The following NCALD variants were observed in gnomAD, a reference collection of about 807,000 sequenced individuals.
The protein encoded by NCALD is neurocalcin delta.
Under a neutral mutation model 18.6 loss-of-function variants are expected in NCALD, and 10 were observed. The observed-to-expected ratio is 0.54, with a 90% CI of 0.33 to 0.91. The LOEUF (loss-of-function observed/expected upper bound fraction) is 0.91, where lower values mean the gene tolerates loss of function less well. Among genes scored for constraint, NCALD ranks in the 40% least tolerant of loss-of-function variants. The pLI, the probability that NCALD is intolerant of heterozygous loss-of-function variation, is 0.03. For synonymous variants in NCALD, 88 were observed against 87.4 expected (o/e 1.01, Z -0.04); for missense variants, 184 against 247.6 (o/e 0.74, Z 1.72).
intron 4 of NCALD, among the ~76,000 whole-genome samples, chr8:101,835,655 T>C (rs2131266541): frequency 6.6e-6 from 1 of 152,318 alleles, no homozygotes; most frequent in East Asian, 1.9e-4. Context: ...ATCACTTCCA[T>C]TCACATTTCA....
intron 3 of NCALD, among the ~76,000 whole-genome samples, chr8:101,892,091 C>A (rs1816922917): frequency 6.6e-6 from 1 of 151,796 alleles, no homozygotes; most frequent in Non-Finnish European, 1.5e-5. Flanking sequence ...CAGCAGTAAC[C>A]TCTGCAGACT....
upstream of NCALD, among the ~76,000 whole-genome samples, chr8:101,795,473 C>T (rs535261780): frequency 6.6e-6 from 1 of 152,214 alleles, no homozygotes; most frequent in Admixed American, 6.5e-5. Flanking sequence ...CTAGATGGCG[C>T]CTTCAAGCTG....
At chr8:101,755,645 CAGGGAAT>C in intron 1 of NCALD, among the ~76,000 whole-genome samples, 1 of 152,292 alleles carries the variant, frequency 6.6e-6, no homozygotes, top group African/African-American at 2.4e-5. Context: ...AGGCAGAAAC[CAGGGAAT>C]AGGTTTTAAA....
intron 4 of NCALD, among the ~76,000 whole-genome samples, chr8:101,845,093 T>A (rs535270143): frequency 1.3e-5 from 2 of 152,316 alleles, no homozygotes; most frequent in East Asian, 3.9e-4. Context: ...GAGGTGACTG[T>A]CTAGTTGGAA....
chr8:102,119,157 G>A (rs149454814), intron 1 of NCALD, among the ~76,000 whole-genome samples: 48 of 152,270 alleles, frequency 3.2e-4, no homozygotes, highest in African/African-American at 1.1e-3. Flanking sequence ...GTAGCCAAAA[G>A]ATGGAAGCAA....
In NCALD at chr8:101,727,725, A is replaced by T. The variant is rs575067997; in HGVS notation, c.-19-8077T>A. On this transcript the variant is annotated intron_variant, in intron 1 of 3. Transcript: ENST00000220931. ...TTCTATGAAGTCTTCTCATGCACTT[A>T]GAATAAAGTTAGAATTCCCTCTTTG... Among the ~76,000 whole-genome samples the T allele has an allele frequency of 1.2e-4, 18 of 152,360 alleles. 1 individual carries two copies. In the South Asian group the frequency reaches 1.2e-3, roughly 11 times the overall value.
In NCALD at chr8:101,689,358, G is replaced by A; in HGVS notation, c.533C>T (p.Ser178Phe). Residue 178 changes from serine to phenylalanine, a missense_variant, in exon 4 of 4, where the codon TCC becomes TTC. By Grantham distance (155) the Ser-to-Phe change is radical (BLOSUM62 -2). Transcript: ENST00000220931. The surrounding 1 kb of genome is among the most constrained non-coding windows in gnomAD (Gnocchi z 4.4). Reference sequence around the variant, plus strand: ...GTCGCACTGCAGGAGGCGCACAATGGACGGGTCGCTTTTGGCTCCTCGGAT... The same window carrying A: ...GTCGCACTGCAGGAGGCGCACAATGAACGGGTCGCTTTTGGCTCCTCGGAT... ...EFIRGAKSDP[S>F]IVRLLQCDPS... 1.2e-6 allele frequency: 2 copies of A among 1,613,354 alleles called. No individual in the cohort carries two copies. The highest frequency in any genetic ancestry group is 1.7e-6 in the Non-Finnish European group (2 of 1,179,704).
At chr8:101,898,645 T>C (rs1479627564) in intron 3 of NCALD, among the ~76,000 whole-genome samples, 1 of 152,144 alleles carries the variant, frequency 6.6e-6, no homozygotes, top group African/African-American at 2.4e-5. Flanking sequence ...TCTAGTTTTA[T>C]GTTTTATTTT....
At chr8:102,036,126 A>AAAATAAATAAATTAAT (rs370415924) in intron 1 of NCALD, among the ~76,000 whole-genome samples, 19,215 of 148,796 alleles carry the variant, frequency 0.13, 1,541 homozygotes, top group Non-Finnish European at 0.18. Flanking sequence ...CATCTCTACA[A>AAAATAAATAAATTAAT]AAATAAATAA....
chr8:102,111,758 C>T (rs1040874562), intron 1 of NCALD, among the ~76,000 whole-genome samples: 2 of 152,152 alleles, frequency 1.3e-5, no homozygotes, highest in African/African-American at 2.4e-5. Context: ...CCTCCAAGCA[C>T]ATGCAACAGT....
intron 3 of NCALD, chr8:101,690,844 G>T: frequency 3.0e-6 from 3 of 985,394 alleles, no homozygotes; most frequent in Non-Finnish European, 3.6e-6. Flanking sequence ...GGAGACAGGC[G>T]TGATCTCTGA....
chr8:101,936,511 A>ATAAT (rs1818769548), intron 2 of NCALD, among the ~76,000 whole-genome samples: 2 of 152,336 alleles, frequency 1.3e-5, no homozygotes, highest in African/African-American at 4.8e-5. Context: ...ATAGAAGGTA[A>ATAAT]TAATCAGAAA....
At chr8:101,834,485 G>A (rs964927889) in intron 4 of NCALD, among the ~76,000 whole-genome samples, 3 of 152,196 alleles carry the variant, frequency 2.0e-5, no homozygotes, top group Admixed American at 6.5e-5. Context: ...TTGTTTCCTC[G>A]TTCCTCAGTC....
chr8:101,880,935 C>T (rs1212605474), intron 4 of NCALD, among the ~76,000 whole-genome samples: 1 of 152,000 alleles, frequency 6.6e-6, no homozygotes, highest in Non-Finnish European at 1.5e-5. Flanking sequence ...TAGAGGGCCT[C>T]GAATGTCATG....
intron 4 of NCALD, among the ~76,000 whole-genome samples, chr8:101,804,114 C>T (rs1812970421): frequency 6.6e-6 from 1 of 151,944 alleles, no homozygotes. Context: ...GCTGAAGGCT[C>T]AGACGATCAT....
intron 4 of NCALD, among the ~76,000 whole-genome samples, chr8:101,885,462 C>A (rs898298056): frequency 6.6e-6 from 1 of 152,308 alleles, no homozygotes; most frequent in South Asian, 2.1e-4. Flanking sequence ...AAGAAGCCAT[C>A]CTCTTCCCTG....
intron 2 of NCALD, among the ~76,000 whole-genome samples, chr8:101,952,673 A>T (rs962619623): frequency 2.0e-5 from 3 of 152,102 alleles, no homozygotes; most frequent in African/African-American, 7.2e-5. Context: ...CACACCTAAC[A>T]CACCCCAGCT....
At chr8:101,747,598 C>G (rs1810479721) in intron 1 of NCALD, among the ~76,000 whole-genome samples, 1 of 152,166 alleles carries the variant, frequency 6.6e-6, no homozygotes, top group African/African-American at 2.4e-5. Context: ...AGACTTGTAC[C>G]TGGAAGCATC....
chr8:101,918,216 A>G lies in NCALD; in HGVS notation c.-156-2358T>C, dbSNP rs141264683. Among the ~76,000 whole-genome samples the G allele has an allele frequency of 8.8e-3, 1,347 of 152,288 alleles. 8 individuals are homozygous for G. The highest frequency in any genetic ancestry group is 0.014 in the Non-Finnish European group (933 of 68,004). Reference sequence around the variant, plus strand: ...TAAATTTGAGTCACCACATAAACACAATTAAAAGCAAAAACCATATGATCA... The same window carrying G: ...TAAATTTGAGTCACCACATAAACACGATTAAAAGCAAAAACCATATGATCA... On this transcript the variant is annotated intron_variant, in intron 2 of 6. Coordinates refer to the NCALD transcript ENST00000311028.
Sources: allele counts gnomAD v4.1 joint callset (sites outside exome capture counted in the v4.1 genomes callset), GRCh38; gene constraint gnomAD v4.1.1; non-coding constraint Gnocchi (gnomAD v3.1); transcripts MANE v1.5; gene names NCBI Gene and HGNC (gene_info 2026-07-23, HGNC 2026-07-21).